Variants in TM9SF4 observed in about 807,000 individuals in gnomAD.
TM9SF4 encodes transmembrane 9 superfamily member 4, also known as dinucleotide oxidase disulfide thiol exchanger 3 superfamily member 4.
A neutral mutation model predicts 90.4 loss-of-function variants in TM9SF4; 26 were observed. The ratio of observed to expected loss-of-function variants is 0.29; its 90% CI spans 0.21 to 0.40. The LOEUF is 0.40. Ranked by LOEUF, TM9SF4 falls within the 10% of genes least tolerant of loss-of-function variation. TM9SF4 has a pLI of 1.00. For missense variants in TM9SF4, 549 were observed against 834.8 expected (o/e 0.66, Z 4.22); for synonymous variants, 293 against 315.4 (o/e 0.93, Z 0.75).
intron 1 of TM9SF4, among the ~76,000 whole-genome samples, chr20:32,131,971 G>A (rs1172572514): frequency 6.6e-6 from 1 of 152,190 alleles, no homozygotes; most frequent in Non-Finnish European, 1.5e-5. Flanking sequence ...TATAGTACAT[G>A]TCAATTAGAT....
rs570191227 is a variant in TM9SF4, at chr20:32,139,055, A to G, written c.230-2442A>G. Among the ~76,000 whole-genome samples, 4 of 152,330 alleles carry G rather than the reference A, an allele frequency of 2.6e-5. No homozygotes were observed. In the East Asian group the frequency reaches 7.7e-4, roughly 29 times the overall value. On this transcript the variant is annotated intron_variant, in intron 3 of 17. Coordinates refer to ENST00000398022, the MANE Select transcript of TM9SF4 (RefSeq NM_014742.4). ...ACCTGCATTGCCAGCCTTCCAAAAC[A>G]GGGTGGAGGGGTGAGGCCTTCATCC...
chr20:32,115,806 GCT>G (rs1491090465), intron 1 of TM9SF4, among the ~76,000 whole-genome samples: 1 of 106,306 alleles, frequency 9.4e-6, no homozygotes, highest in Non-Finnish European at 1.8e-5. Flanking sequence ...ACCACTTTAA[GCT>G]TTTTTTTTTT....
chr20:32,154,968 T>C, intron 12 of TM9SF4, 135 bp from the exon 13 acceptor site: 1 of 705,958 alleles, frequency 1.4e-6, no homozygotes, highest in Non-Finnish European at 2.5e-6. Context: ...CAGGGAATAC[T>C]TTCTGGAAGG....
At chr20:32,146,673 C>A in intron 8 of TM9SF4, 112 bp from the exon 9 acceptor site, 1 of 1,019,774 alleles carries the variant, frequency 9.8e-7, no homozygotes, top group Non-Finnish European at 1.5e-6. Flanking sequence ...CATAATGGAG[C>A]AAGCCGTGCA....
chr20:32,141,071 G>A (rs1292273578), intron 3 of TM9SF4, among the ~76,000 whole-genome samples: 1 of 151,868 alleles, frequency 6.6e-6, no homozygotes, highest in Non-Finnish European at 1.5e-5. Flanking sequence ...CAAAAAATTA[G>A]CCGGGCGTGG....
In TM9SF4 at chr20:32,150,817, C is replaced by T; in HGVS notation, c.1187C>T (p.Ser396Phe). ...TCCCACAGGGTGTTTGGCGGATTTTCTGCTGGCCGTCTGTACCGCACTTTA... is the reference window on the plus strand; with the variant it reads ...TCCCACAGGGTGTTTGGCGGATTTTTTGCTGGCCGTCTGTACCGCACTTTA... ...FMFMGVFGGF[S>F]AGRLYRTLKG... Residue 396 changes from serine (S) to phenylalanine (F), a missense_variant, in exon 12 of 18, where the codon TCT becomes TTT. Physicochemically the swap from Ser to Phe is radical, Grantham distance 155. This residue lies in a region of TM9SF4 where 495 missense variants were observed against 711.7 expected (regional missense o/e 0.70). Transcript: ENST00000398022. 1.9e-6 allele frequency: 3 copies of T among 1,614,244 alleles called. No individual in the cohort carries two copies. The highest frequency in any genetic ancestry group is 2.5e-6 in the Non-Finnish European group (3 of 1,180,044).
intron 1 of TM9SF4, among the ~76,000 whole-genome samples, chr20:32,132,325 A>G (rs2046530154): frequency 6.6e-6 from 1 of 152,030 alleles, no homozygotes; most frequent in African/African-American, 2.4e-5. Flanking sequence ...ACTCACTTGA[A>G]CTTGGGAGGC....
intron 1 of TM9SF4, among the ~76,000 whole-genome samples, chr20:32,124,138 G>A (rs554618429): frequency 6.6e-6 from 1 of 152,244 alleles, no homozygotes; most frequent in South Asian, 2.1e-4. Flanking sequence ...GATTGCAGGT[G>A]TGAGCCTCCA....
intron 1 of TM9SF4, among the ~76,000 whole-genome samples, chr20:32,117,334 A>G (rs1190002068): frequency 6.6e-6 from 1 of 152,094 alleles, no homozygotes; most frequent in East Asian, 1.9e-4. Context: ...TGGAACAGGA[A>G]CCAAAAAGGC....
chr20:32,110,114 G>T (rs1274428967), intron 1 of TM9SF4: 4 of 1,111,290 alleles, frequency 3.6e-6, no homozygotes, highest in Non-Finnish European at 3.4e-6. Flanking sequence ...TCTCATCCTT[G>T]CTCCTCCCCG....
At chr20:32,123,247 T>C (rs1218347268) in intron 1 of TM9SF4, among the ~76,000 whole-genome samples, 1 of 116,998 alleles carries the variant, frequency 8.5e-6, no homozygotes, top group Non-Finnish European at 1.7e-5. Context: ...GAGGCTTTTT[T>C]TTTTCTACGT....
intron 1 of TM9SF4, among the ~76,000 whole-genome samples, chr20:32,121,409 T>G (rs1003119406): frequency 6.6e-6 from 1 of 151,928 alleles, no homozygotes; most frequent in African/African-American, 2.4e-5. Flanking sequence ...TGACTCTTAA[T>G]GAGCATGCTG....
At chr20:32,148,005 G>C (rs1046851799) in intron 9 of TM9SF4, among the ~76,000 whole-genome samples, 2 of 152,094 alleles carry the variant, frequency 1.3e-5, no homozygotes, top group African/African-American at 4.8e-5. Flanking sequence ...CCAGCTACTC[G>C]GGATGCTGAG....
chr20:32,127,870 TC>T (rs1171720892), intron 1 of TM9SF4, among the ~76,000 whole-genome samples: 2 of 152,178 alleles, frequency 1.3e-5, no homozygotes, highest in African/African-American at 4.8e-5. Context: ...GAGATTGTGA[TC>T]CCCTGCACTG....
chr20:32,154,179 T>C (rs1269887941), intron 12 of TM9SF4, among the ~76,000 whole-genome samples: 1 of 152,138 alleles, frequency 6.6e-6, no homozygotes, highest in African/African-American at 2.4e-5. Flanking sequence ...AGACAGAGTC[T>C]TGCTCTATTA....
chr20:32,148,974 A>G (rs950298031), intron 9 of TM9SF4, among the ~76,000 whole-genome samples: 17 of 152,174 alleles, frequency 1.1e-4, no homozygotes, highest in African/African-American at 4.1e-4. Flanking sequence ...CCAGCCAGAA[A>G]TATTACAGCT....
chr20:32,150,993 C>T (rs958104339), intron 12 of TM9SF4, 118 bp downstream of exon 12: 1 of 1,208,472 alleles, frequency 8.3e-7, no homozygotes, highest in Admixed American at 2.0e-5. Context: ...TGAGCAGCAG[C>T]AAGACATAGC....
chr20:32,145,704 C>CA (rs1299954612), intron 8 of TM9SF4, among the ~76,000 whole-genome samples: 1 of 152,218 alleles, frequency 6.6e-6, no homozygotes, highest in Non-Finnish European at 1.5e-5. Flanking sequence ...CATTCTGTGC[C>CA]AGGCACTTTG....
intron 12 of TM9SF4, among the ~76,000 whole-genome samples, chr20:32,153,042 TGAG>T (rs1175794741): frequency 2.0e-5 from 3 of 152,052 alleles, no homozygotes; most frequent in African/African-American, 4.8e-5. Flanking sequence ...AGCCGGGCCT[TGAG>T]GAGGATTTCA....
Sources: gnomAD v4.1 joint callset for allele counts (sites outside exome capture counted in the v4.1 genomes callset) on GRCh38, gnomAD v4.1.1 for gene constraint, gnomAD v4.1.1 regional missense constraint, MANE v1.5 for transcripts, NCBI Gene and HGNC (gene_info 2026-07-23, HGNC 2026-07-21) for gene names.